The following TAF3 variants were observed in gnomAD, a reference collection of about 807,000 sequenced individuals.
TAF3 encodes TATA-box binding protein associated factor 3.
A neutral mutation model predicts 80.6 loss-of-function variants in TAF3; 7 were observed. The ratio of observed to expected loss-of-function variants is 0.09; its 90% confidence interval spans 0.05 to 0.16. The LOEUF is 0.16. Among genes scored for constraint, TAF3 ranks in the 10% least tolerant of loss-of-function variants. The pLI, the probability that TAF3 is intolerant of heterozygous loss-of-function variation, is 1.00. For missense variants in TAF3, 921 were observed against 1,140.2 expected, an observed-to-expected ratio of 0.81 and a Z score of 2.77; for synonymous variants, 444 against 446.1, an observed-to-expected ratio of 1.00 and a Z score of 0.06.
At chr10:7,819,587 A>T (rs1836669474) in intron 1 of TAF3, among the ~76,000 whole-genome samples, 1 of 152,174 alleles carries the variant, frequency 6.6e-6, no homozygotes, top group Non-Finnish European at 1.5e-5. Context: ...ATGAGTTTTA[A>T]ATGAATGTCT....
At chr10:7,933,730 A>G (rs1041055786) in intron 2 of TAF3, among the ~76,000 whole-genome samples, 4 of 152,206 alleles carry the variant, frequency 2.6e-5, no homozygotes, top group African/African-American at 9.7e-5. Context: ...TCAATTCTCA[A>G]AGGGGCAGGG....
At chr10:7,939,721 A>G (rs182866112) in intron 2 of TAF3, among the ~76,000 whole-genome samples, 4 of 152,184 alleles carry the variant, frequency 2.6e-5, no homozygotes, top group African/African-American at 7.2e-5. Context: ...ATAATAACCA[A>G]AAGAAAATGT....
intron 2 of TAF3, among the ~76,000 whole-genome samples, chr10:7,898,354 C>T (rs1474240052): frequency 1.3e-5 from 2 of 151,992 alleles, no homozygotes; most frequent in East Asian, 1.9e-4. Context: ...CGACACCAGC[C>T]TGGCCAACAT....
chr10:7,871,942 T>C (rs1480777084), intron 2 of TAF3, among the ~76,000 whole-genome samples: 4 of 152,246 alleles, frequency 2.6e-5, no homozygotes, highest in South Asian at 2.1e-4. Context: ...CCAGATGATA[T>C]ATAGTGGGAA....
intron 2 of TAF3, among the ~76,000 whole-genome samples, chr10:7,835,418 A>G (rs529154737): frequency 1.3e-5 from 2 of 152,272 alleles, no homozygotes; most frequent in Middle Eastern, 3.4e-3. Context: ...TGTTCCAAAT[A>G]TGGGAACTTG....
intron 4 of TAF3, among the ~76,000 whole-genome samples, chr10:7,979,113 G>C (rs1831700110): frequency 6.6e-6 from 1 of 152,044 alleles, no homozygotes; most frequent in South Asian, 2.1e-4. Flanking sequence ...GGGAGGCCGA[G>C]GCAGGTGGAT....
rs1176707860 is a variant in TAF3 at position 7,830,473 on chromosome 10, C to CTTTTTT, written c.409+5936_409+5941dup. Among the ~76,000 whole-genome samples, 322 of 57,722 alleles carry CTTTTTT rather than the reference C, an allele frequency of 5.6e-3. 66 individuals are homozygous for CTTTTTT. The highest frequency in any genetic ancestry group is 9.9e-3 in the East Asian group (15 of 1,514). 37.9% of individuals were successfully genotyped at this position (57,722 alleles called of 152,430 possible). ...TGCACACCTTTTTCACTTTACATGT[C>CTTTTTT]TTTTTTTTTTTTTTTTTTTTTTTTT... On this transcript the variant is annotated intron_variant, in intron 2 of 6. Coordinates refer to ENST00000344293, the MANE Select transcript of TAF3 (RefSeq NM_031923.4).
intron 4 of TAF3, among the ~76,000 whole-genome samples, chr10:8,003,081 T>C (rs1428438433): frequency 6.6e-6 from 1 of 152,216 alleles, no homozygotes; most frequent in Non-Finnish European, 1.5e-5. Flanking sequence ...TATATTGGGT[T>C]TCACTGTTTA....
chr10:7,879,831 C>T (rs1032809402), intron 2 of TAF3, among the ~76,000 whole-genome samples: 24 of 152,276 alleles, frequency 1.6e-4, no homozygotes, highest in African/African-American at 4.3e-4. Flanking sequence ...AAATAAAATA[C>T]ATATTTGGAT....
At chr10:7,838,375 G>GTTGT (rs1554775950) in intron 2 of TAF3, among the ~76,000 whole-genome samples, 11 of 151,316 alleles carry the variant, frequency 7.3e-5, no homozygotes, top group Admixed American at 4.6e-4. Context: ...TTTTGTTGTT[G>GTTGT]TTGTTTGTTT....
intron 2 of TAF3, among the ~76,000 whole-genome samples, chr10:7,907,295 T>G (rs1388753061): frequency 6.6e-6 from 1 of 152,216 alleles, no homozygotes; most frequent in Non-Finnish European, 1.5e-5. Context: ...CAGATTGTGA[T>G]GCCAGATGAG....
chr10:7,819,287 C>T (rs543896977), intron 1 of TAF3, among the ~76,000 whole-genome samples: 1 of 152,118 alleles, frequency 6.6e-6, no homozygotes, highest in African/African-American at 2.4e-5. Flanking sequence ...ACAGGCGCTC[C>T]GTCTACCGGC....
intron 2 of TAF3, among the ~76,000 whole-genome samples, chr10:7,873,909 G>T (rs552936386): frequency 1.1e-3 from 169 of 152,306 alleles, no homozygotes; most frequent in Admixed American, 2.2e-3. Context: ...GAGCACTTAG[G>T]TTCCCTGTAT....
At chr10:7,977,786 G>A (rs927447577) in intron 4 of TAF3, among the ~76,000 whole-genome samples, 8 of 152,138 alleles carry the variant, frequency 5.3e-5, no homozygotes, top group Non-Finnish European at 1.2e-4. Flanking sequence ...AATGCCAAAG[G>A]CTTGGAGAGA....
At chr10:7,990,226 C>T (rs1205926089) in intron 4 of TAF3, among the ~76,000 whole-genome samples, 1 of 152,126 alleles carries the variant, frequency 6.6e-6, no homozygotes, top group Non-Finnish European at 1.5e-5. Flanking sequence ...CCTTGAGAGT[C>T]GCTAATGCCA....
intron 1 of TAF3, 46 bp downstream of exon 1, chr10:7,818,921 G>A (rs1836659711): frequency 1.5e-6 from 2 of 1,362,532 alleles, no homozygotes; most frequent in Admixed American, 3.7e-5. Context: ...GCAAGTCAAG[G>A]GTGACACCTT....
At chr10:7,886,456 T>C (rs1033146111) in intron 2 of TAF3, among the ~76,000 whole-genome samples, 1 of 152,262 alleles carries the variant, frequency 6.6e-6, no homozygotes, top group Admixed American at 6.5e-5. Flanking sequence ...TTTTTTTCTT[T>C]ACACAAAATA....
At position 7,965,588 on chromosome 10, in the gene TAF3, A is replaced by T; in HGVS notation, c.2078A>T (p.Lys693Ile). Residue 693 changes from lysine (K) to isoleucine (I), a missense_variant, in exon 3 of 7, where the codon AAA (lysine) becomes ATA (isoleucine). Physicochemically the swap from Lys to Ile is moderately radical, Grantham distance 102 (BLOSUM62 -3). Coordinates refer to ENST00000344293, the MANE Select transcript of TAF3 (RefSeq NM_031923.4). The part of the protein sequence containing the change: ...PVLPEKLFEE[K>I]EKVKEKEKKK... ...CTTCCGGAAAAACTGTTTGAGGAGA[A>T]AGAGAAGGTGAAGGAGAAAGAAAAG... The T allele has an allele frequency of 6.2e-7, 1 of 1,600,178 alleles. No individual in the cohort carries two copies. The highest frequency in any genetic ancestry group is 8.5e-7 in the Non-Finnish European group (1 of 1,176,628).
chr10:7,931,912 T>C (rs1008532523), intron 2 of TAF3, among the ~76,000 whole-genome samples: 7 of 152,222 alleles, frequency 4.6e-5, no homozygotes, highest in Non-Finnish European at 7.3e-5. Flanking sequence ...TACAATGTAA[T>C]GTGGCAGATG....
Sources: allele counts gnomAD v4.1 joint callset (sites outside exome capture counted in the v4.1 genomes callset), GRCh38; gene constraint gnomAD v4.1.1; transcripts MANE v1.5; gene names NCBI Gene and HGNC (gene_info 2026-07-23, HGNC 2026-07-21).